The following SMOC1 variants were observed in gnomAD, a reference collection of about 807,000 sequenced individuals.
SMOC1 encodes the protein SPARC-related modular calcium-binding protein 1.
A neutral mutation model predicts 56.3 loss-of-function variants in SMOC1; 22 were observed. The observed-to-expected ratio is 0.39, with a 90% CI of 0.28 to 0.56. The LOEUF is 0.56. Among genes scored for constraint, SMOC1 ranks in the 20% least tolerant of loss-of-function variants. The pLI, the probability that SMOC1 is intolerant of heterozygous loss-of-function variation, is 0.61. For synonymous variants in SMOC1, 193 were observed against 215.0 expected (o/e 0.90, Z 0.89); for missense variants, 509 against 565.4 (o/e 0.90, Z 1.01).
intron 1 of SMOC1, among the ~76,000 whole-genome samples, chr14:69,908,900 G>T (rs1884482206): frequency 6.6e-6 from 1 of 152,120 alleles, no homozygotes. Context: ...GTGTGTGTGT[G>T]TGAGACAAGT....
chr14:69,909,496 G>A (rs1354493205), intron 1 of SMOC1, among the ~76,000 whole-genome samples: 1 of 152,178 alleles, frequency 6.6e-6, no homozygotes, highest in Non-Finnish European at 1.5e-5. Flanking sequence ...TCTAGGTGGT[G>A]GAAAGTTTGG....
chr14:69,940,427 C>T (rs2139414125), intron 1 of SMOC1, among the ~76,000 whole-genome samples: 1 of 152,314 alleles, frequency 6.6e-6, no homozygotes, highest in East Asian at 1.9e-4. Context: ...AAACTTAGAG[C>T]ATATTGCTGG....
rs924263028 is a variant in SMOC1 at position 70,030,443 on chromosome 14, T to C, written c.*185T>C. On this transcript the variant is annotated 3_prime_UTR_variant, in exon 12 of 12. Coordinates refer to ENST00000361956, the MANE Select transcript of SMOC1 (RefSeq NM_001034852.3). ...TTTTGGTTTCATTTTAAAACACCAA[T>C]ATCTAATACCACAGTGGGAAAAGGA... 4.8e-6 allele frequency: 3 copies of C among 619,850 alleles called. No homozygotes were observed. The highest frequency in any genetic ancestry group is 3.7e-5 in the African/African-American group (2 of 53,360). The allele number at this position is 619,850 out of a possible 1,614,324, so 38.4% of individuals were successfully genotyped here.
intron 1 of SMOC1, among the ~76,000 whole-genome samples, chr14:69,926,776 G>T (rs544099002): frequency 1.3e-5 from 2 of 152,322 alleles, no homozygotes; most frequent in Non-Finnish European, 2.9e-5. Flanking sequence ...GCCATAATTG[G>T]GTGTGGAATG....
At chr14:69,962,243 A>G (rs1232669663) in intron 3 of SMOC1, among the ~76,000 whole-genome samples, 2 of 152,016 alleles carry the variant, frequency 1.3e-5, no homozygotes, top group Non-Finnish European at 2.9e-5. Context: ...GCTCACTGCA[A>G]CCTCTGCCTC....
intron 6 of SMOC1, among the ~76,000 whole-genome samples, chr14:69,993,931 G>C (rs1471715476): frequency 7.2e-5 from 11 of 152,212 alleles, no homozygotes; most frequent in African/African-American, 2.4e-4. Context: ...GAAGCCATTA[G>C]AAAGGGGATT....
intron 1 of SMOC1, among the ~76,000 whole-genome samples, chr14:69,910,475 G>A (rs1434781493): frequency 1.3e-5 from 2 of 152,218 alleles, no homozygotes; most frequent in South Asian, 2.1e-4. Flanking sequence ...TAGAGTATAC[G>A]ATGGCCAGGC....
At chr14:69,886,160 G>A (rs1883804964) in intron 1 of SMOC1, 1 of 1,209,296 alleles carries the variant, frequency 8.3e-7, no homozygotes, top group African/African-American at 1.5e-5. Flanking sequence ...CGGGAGGAGA[G>A]AGCTCCTTTG....
At chr14:70,014,353 G>A (rs1356868286) in intron 10 of SMOC1, among the ~76,000 whole-genome samples, 4 of 152,194 alleles carry the variant, frequency 2.6e-5, no homozygotes, top group Admixed American at 2.6e-4. Context: ...TGGAGAAGGT[G>A]ATATCTGAGC....
chr14:70,026,509 A>G (rs1048129319), intron 11 of SMOC1, among the ~76,000 whole-genome samples: 5 of 152,212 alleles, frequency 3.3e-5, no homozygotes, highest in African/African-American at 4.8e-5. Context: ...AGTAGAATGT[A>G]GATTTAGGGA....
At chr14:69,978,022 G>C in intron 5 of SMOC1, 57 bp downstream of exon 5, 1 of 1,399,786 alleles carries the variant, frequency 7.1e-7, no homozygotes. Context: ...GTCCAAGCAG[G>C]ATTTCTTAGA....
chr14:70,005,612 T>C (rs1178115445), intron 7 of SMOC1, among the ~76,000 whole-genome samples: 2 of 152,236 alleles, frequency 1.3e-5, no homozygotes, highest in Non-Finnish European at 2.9e-5. Flanking sequence ...GACTAGGTAC[T>C]GGACAGTTTG....
intron 5 of SMOC1, among the ~76,000 whole-genome samples, chr14:69,991,382 T>C (rs1458311875): frequency 6.6e-6 from 1 of 152,204 alleles, no homozygotes; most frequent in African/African-American, 2.4e-5. Flanking sequence ...ATTTTACATA[T>C]GAAGCACAAA....
chr14:69,994,977 T>C (rs1478674641), intron 7 of SMOC1, among the ~76,000 whole-genome samples: 1 of 152,180 alleles, frequency 6.6e-6, no homozygotes, highest in Non-Finnish European at 1.5e-5. Flanking sequence ...ATTTGTAGGA[T>C]TTTTTTGTAG....
intron 11 of SMOC1, among the ~76,000 whole-genome samples, chr14:70,028,576 G>T (rs1268232383): frequency 6.6e-6 from 1 of 152,210 alleles, no homozygotes; most frequent in Non-Finnish European, 1.5e-5. Context: ...CCATGAAAAA[G>T]AGCTGGTTAC....
chr14:69,960,486 T>C (rs1594824441), intron 3 of SMOC1, among the ~76,000 whole-genome samples: 1 of 152,224 alleles, frequency 6.6e-6, no homozygotes, highest in East Asian at 1.9e-4. Flanking sequence ...CTTTTTTTTT[T>C]AAAGCAGTCA....
chr14:69,921,268 T>A (rs2139367970), intron 1 of SMOC1, among the ~76,000 whole-genome samples: 1 of 152,280 alleles, frequency 6.6e-6, no homozygotes, highest in African/African-American at 2.4e-5. Flanking sequence ...GGGCAAGATC[T>A]TGCAGGCTGG....
At chr14:69,998,467 A>G (rs188505250) in intron 7 of SMOC1, among the ~76,000 whole-genome samples, 28 of 151,702 alleles carry the variant, frequency 1.8e-4, no homozygotes, top group Admixed American at 5.3e-4. Context: ...CTACCAAGGC[A>G]TTTCTTAATA....
intron 3 of SMOC1, among the ~76,000 whole-genome samples, chr14:69,974,772 A>G (rs1172349627): frequency 3.3e-5 from 5 of 152,174 alleles, no homozygotes; most frequent in Non-Finnish European, 2.9e-5. Flanking sequence ...ATTCCCAGGC[A>G]GGCAGACCTG....
Sources: allele counts gnomAD v4.1 joint callset (sites outside exome capture counted in the v4.1 genomes callset), GRCh38; gene constraint gnomAD v4.1.1; transcripts MANE v1.5; gene names NCBI Gene and HGNC (gene_info 2026-07-23, HGNC 2026-07-21).